Variants in TXNL4B observed in about 807,000 individuals in gnomAD.
The protein encoded by TXNL4B is thioredoxin like 4B, also known as thioredoxin-like protein 4B.
Under a neutral mutation model 13.0 loss-of-function variants are expected in TXNL4B, and 12 were observed. The ratio of observed to expected loss-of-function variants is 0.92; its 90% CI spans 0.59 to 1.49. TXNL4B has a LOEUF of 1.49. TXNL4B is among the 40% of genes most tolerant of loss of function. The pLI is 0.00. For missense variants in TXNL4B, 214 were observed against 173.6 expected (o/e 1.23, Z -1.31); for synonymous variants, 59 against 58.9 (o/e 1.00, Z -0.01).
At chr16:72,092,401 A>G (rs2041923432) in intron 1 of TXNL4B, among the ~76,000 whole-genome samples, 1 of 150,756 alleles carries the variant, frequency 6.6e-6, no homozygotes, top group East Asian at 1.9e-4. Flanking sequence ...CAAGGCAACA[A>G]GAGCGAAGCT....
intron 2 of TXNL4B, chr16:72,090,148 C>G (rs1223177310): frequency 8.8e-6 from 4 of 456,008 alleles, no homozygotes; most frequent in Non-Finnish European, 1.8e-5. Context: ...AGGTCTCTCT[C>G]TGCATCAGGC....
intron 3 of TXNL4B, among the ~76,000 whole-genome samples, chr16:72,088,353 C>T (rs1597428917): frequency 1.3e-5 from 2 of 152,222 alleles, no homozygotes; most frequent in South Asian, 2.1e-4. Context: ...ACATCAACCA[C>T]AGTAAGAAAT....
chr16:72,089,736 C>G (rs1321013665), intron 2 of TXNL4B, among the ~76,000 whole-genome samples: 1 of 152,232 alleles, frequency 6.6e-6, no homozygotes. Flanking sequence ...TAGTAGCAGA[C>G]ACTTATATAA....
rs748486002 is a variant in TXNL4B at position 72,086,666 on chromosome 16, TG to T, written c.420del (p.Lys141AsnfsTer24). 1.2e-6 allele frequency: 2 copies of T among 1,613,844 alleles called. No homozygotes were observed. The highest frequency in any genetic ancestry group is 1.7e-6 in the Non-Finnish European group (2 of 1,179,736). The stretch of plus-strand genomic sequence containing the variant: ...ATGTCTTGATAGAGAAGGTCATATT[TG>T]GGAATATTCTTGGGATCAATAGGAC... ...VQSPIDPKNI[P>X]KYDLLYQDI On this transcript the variant is annotated frameshift_variant, in exon 4 of 4. Transcript: ENST00000268483. LOFTEE classifies it high-confidence loss of function.
chr16:72,088,998 T>A lies in TXNL4B; in HGVS notation c.273A>T (p.Lys91Asn). Residue 91 changes from lysine (K) to asparagine (N), a missense_variant, in exon 3 of 4, where the codon AAA (lysine) becomes AAT (asparagine). Coordinates refer to ENST00000268483, the MANE Select transcript of TXNL4B (RefSeq NM_017853.3). ...TCAACTGCACTTACCCATAATCCAC[T>A]TTCATATGCTGCCCATTGAAGAAAA... is the stretch of plus-strand genomic sequence containing the variant. ...TVFFFNGQHM[K>N]VDYGSPDHTK... 6.2e-7 allele frequency: 1 copy of A among 1,603,888 alleles called. No homozygotes were observed. The highest frequency in any genetic ancestry group is 8.5e-7 in the Non-Finnish European group (1 of 1,172,396).
In TXNL4B at chr16:72,089,009, G is replaced by C. The variant is rs1368978096; in HGVS notation, c.262C>G (p.Gln88Glu). Reference sequence around the variant, plus strand: ...TACCCATAATCCACTTTCATATGCTGCCCATTGAAGAAAAAGACAGTAGAT... The same window carrying C: ...TACCCATAATCCACTTTCATATGCTCCCCATTGAAGAAAAAGACAGTAGAT... ...IPSTVFFFNG[Q>E]HMKVDYGSPD... The change falls in exon 3 of 4, where the codon CAG (glutamine) becomes GAG (glutamate). Residue 88 changes from glutamine (Q) to glutamate (E), a missense_variant. Transcript: ENST00000268483. 1.2e-6 allele frequency: 2 copies of C among 1,610,466 alleles called. No homozygotes were observed. The highest frequency in any genetic ancestry group is 1.7e-5 in the Admixed American group (1 of 59,894).
intron 3 of TXNL4B, 66 bp from the exon 4 acceptor site, chr16:72,086,868 A>C: frequency 7.8e-7 from 1 of 1,278,464 alleles, no homozygotes; most frequent in Non-Finnish European, 1.1e-6. Flanking sequence ...GAAGACTTTC[A>C]GGATAAACAA....
intron 2 of TXNL4B, 52 bp from the exon 3 acceptor site, chr16:72,089,190 T>G (rs559444114): frequency 6.6e-7 from 1 of 1,514,944 alleles, no homozygotes; most frequent in East Asian, 2.3e-5. Context: ...AGCTTAATGT[T>G]TCTTCTGTGA....
intron 1 of TXNL4B, among the ~76,000 whole-genome samples, chr16:72,092,161 CA>C (rs1371905689): frequency 6.6e-6 from 1 of 152,232 alleles, no homozygotes; most frequent in East Asian, 1.9e-4. Context: ...GTAATCCCAG[CA>C]CTTTGGGAGG....
intron 1 of TXNL4B, among the ~76,000 whole-genome samples, 159 bp downstream of exon 1, chr16:72,093,208 C>A (rs1567599953): frequency 6.6e-6 from 1 of 152,238 alleles, no homozygotes; most frequent in African/African-American, 2.4e-5. Context: ...AGAAAAACAA[C>A]TGGAAATCAG....
Position 72,090,906 on chromosome 16 carries a change from A to T in TXNL4B, c.-37-120T>A, listed in dbSNP as rs542338430. 5.0e-6 allele frequency: 4 copies of T among 801,200 alleles called. No homozygotes were observed. In the East Asian group the frequency reaches 8.2e-5, roughly 16 times the overall value. The allele number at this position is 801,200 out of a possible 1,614,324, so 49.6% of individuals were successfully genotyped here. On this transcript the variant is annotated intron_variant, in intron 1 of 3. Coordinates refer to ENST00000268483, the MANE Select transcript of TXNL4B (RefSeq NM_017853.3). The stretch of plus-strand genomic sequence containing the variant: ...ATGGTATGAAAGAAACATCATAGAA[A>T]GGTAACACTGTGGAGTTTCCCTCTC...
intron 1 of TXNL4B, among the ~76,000 whole-genome samples, chr16:72,092,311 G>A (rs2041920814): frequency 6.6e-6 from 1 of 152,156 alleles, no homozygotes. Flanking sequence ...TACTCAGGAG[G>A]CTGAGGCAGG....
rs755668541 is a variant in TXNL4B at position 72,089,010 on chromosome 16, C to T, written c.261G>A (p.Gly87=). 1 of 1,610,068 alleles carries T rather than the reference C, an allele frequency of 6.2e-7. No homozygotes were observed. The highest frequency in any genetic ancestry group is 8.5e-7 in the Non-Finnish European group (1 of 1,177,076). The change falls in exon 3 of 4, where the codon GGG becomes GGA. Residue 87 remains glycine (G), a synonymous_variant. Transcript: ENST00000268483. ...ACCCATAATCCACTTTCATATGCTG[C>T]CCATTGAAGAAAAAGACAGTAGATG... ...YIPSTVFFFN[G]QHMKVDYGSP... is the part of the protein sequence containing the mutation.
At chr16:72,093,666 G>T (rs2144118708), upstream of TXNL4B, 1 of 152,442 alleles carries the variant, frequency 6.6e-6, no homozygotes, top group East Asian at 1.9e-4. Flanking sequence ...CTGACCGGAA[G>T]CTAGGCGTCA....
intron 2 of TXNL4B, among the ~76,000 whole-genome samples, chr16:72,090,338 T>C (rs550753845): frequency 2.6e-5 from 4 of 152,244 alleles, no homozygotes; most frequent in South Asian, 2.1e-4. Flanking sequence ...ACTGAAAAGA[T>C]AGTGTTCACA....
intron 2 of TXNL4B, chr16:72,090,115 G>A (rs2144105389): frequency 2.2e-6 from 1 of 456,058 alleles, no homozygotes; most frequent in Non-Finnish European, 4.4e-6. Flanking sequence ...AGAAATGGCG[G>A]TAAGAGGTCT....
chr16:72,094,252 CCTG>C (rs1434002272), upstream of TXNL4B: 1 of 152,696 alleles, frequency 6.5e-6, no homozygotes, highest in African/African-American at 2.4e-5. Flanking sequence ...CTGGTCAAAT[CCTG>C]CTGCCTGGAG....
Position 72,086,505 on chromosome 16 carries a change from T to G in TXNL4B, c.*132A>C, listed in dbSNP as rs930812257. Reference sequence around the variant, plus strand: ...GGGTCTTTTCCTCAGGGGCCGGGTTTTCTACACGCAAGTCAAACCTCTTCT... The same window carrying G: ...GGGTCTTTTCCTCAGGGGCCGGGTTGTCTACACGCAAGTCAAACCTCTTCT... On this transcript the variant is annotated 3_prime_UTR_variant, in exon 4 of 4. Transcript: ENST00000268483. The G allele has an allele frequency of 7.7e-6, 6 of 782,450 alleles. No homozygotes were observed. The highest frequency in any genetic ancestry group is 1.2e-5 in the Non-Finnish European group (6 of 520,720). 48.5% of individuals were successfully genotyped at this position (782,450 alleles called of 1,614,324 possible). A position where few individuals can be genotyped will look rare whatever the true frequency, so the allele number is the denominator to read the frequency against.
In TXNL4B at chr16:72,089,086, T is replaced by C. The variant is rs2041864442; in HGVS notation, c.185A>G (p.Asp62Gly). 1 of 1,612,692 alleles carries C rather than the reference T, an allele frequency of 6.2e-7. No homozygotes were observed. The highest frequency in any genetic ancestry group is 1.1e-5 in the South Asian group (1 of 91,042). ...TGTATAAACTGCAGTTTGGTCCACA[T>C]CTACCAGGTATATAGCAGCCATTTT... is the stretch of plus-strand genomic sequence containing the variant. ...LSKMAAIYLV[D>G]VDQTAVYTQY... is the part of the protein sequence containing the mutation. The change falls in exon 3 of 4, where the codon GAT becomes GGT. Residue 62 changes from aspartate to glycine, a missense_variant. Coordinates refer to ENST00000268483, the MANE Select transcript of TXNL4B (RefSeq NM_017853.3).
Sources: gnomAD v4.1 joint callset for allele counts (sites outside exome capture counted in the v4.1 genomes callset) on GRCh38, gnomAD v4.1.1 for gene constraint, MANE v1.5 for transcripts, NCBI Gene and HGNC (gene_info 2026-07-23, HGNC 2026-07-21) for gene names.